CENPI: variants seen among roughly 807,000 people sequenced by gnomAD.
The protein encoded by CENPI is centromere protein I.
Under a neutral mutation model 60.4 loss-of-function variants are expected in CENPI, and 4 were observed. That is an observed-to-expected ratio of 0.07 (90% CI 0.03 to 0.15). The LOEUF (loss-of-function observed/expected upper bound fraction) is 0.15, where lower values mean the gene tolerates loss of function less well. Ranked by LOEUF, CENPI falls within the 10% of genes least tolerant of loss-of-function variation. CENPI has a pLI of 1.00. For missense variants in CENPI, 444 were observed against 534.5 expected, an observed-to-expected ratio of 0.83 and a Z score of 1.67; for synonymous variants, 157 against 189.4, an observed-to-expected ratio of 0.83 and a Z score of 1.40.
chrX:101,138,266 G>A (rs1218086353), intron 15 of CENPI, among the ~76,000 whole-genome samples: 1 of 108,763 alleles, frequency 9.2e-6, no homozygotes, highest in Non-Finnish European at 1.9e-5. Flanking sequence ...GGGATTACAA[G>A]TGTGGGTCAC....
In CENPI at chrX:101,151,974, C is replaced by T. The variant is rs777528824; in HGVS notation, c.2094+3813C>T. Among the ~76,000 whole-genome samples the T allele has an allele frequency of 8.1e-5, 9 of 111,542 alleles. No individual in the cohort carries two copies. The East Asian group carries it at 2.5e-3, about 31-fold the overall frequency. ...TTCATTATTCCCAAAAGAAACATCA[C>T]ACCCCTTAGCCATCATTCCCCAGGG... On this transcript the variant is annotated intron_variant, in intron 20 of 21. Transcript: ENST00000682095.
rs996251680 is a variant in CENPI at position 101,135,594 on chromosome X, T to G, written c.1470+3138T>G. 8.7e-4 allele frequency among the ~76,000 whole-genome samples: 98 copies of G among 112,721 alleles called. 1 individual carries two copies. Among genetic ancestry groups the G allele is most frequent in the African/African-American group, 3.0e-3 (94 of 31,123 alleles). ...CAATCAAATATTTAGCCTAACAAAT[T>G]CAGCTTTTAGCAGTAGCTTGACTAA... On this transcript the variant is annotated intron_variant, in intron 15 of 21. Transcript: ENST00000682095.
chrX:101,115,655 T>C (rs2089613968), intron 6 of CENPI, among the ~76,000 whole-genome samples: 1 of 111,993 alleles, frequency 8.9e-6, no homozygotes, highest in African/African-American at 3.2e-5. Context: ...TGAGGCACTG[T>C]GCCTGACTCT....
chrX:101,176,843 A>G, the CENPI span, among the ~76,000 whole-genome samples: 7 of 112,472 alleles, frequency 6.2e-5, no homozygotes, highest in African/African-American at 1.9e-4. Flanking sequence ...GCATAGACCA[A>G]TGTTTTATAG....
Position 101,161,519 on chromosome X carries a change from G to A in CENPI, c.2095-9G>A, listed in dbSNP as rs1331808616. On this transcript the variant is annotated splice_polypyrimidine_tract_variant and intron_variant, in intron 20 of 21. Transcript: ENST00000682095. ...GCTTTGTTTTGTTTTTTGTTTGTTT[G>A]TTTTTAAGGAAAGCCCAGAAGAAAG... 2 of 1,205,031 alleles carry A rather than the reference G, an allele frequency of 1.7e-6. No individual in the cohort carries two copies. Among genetic ancestry groups the A allele is most frequent in the Non-Finnish European group, 2.2e-6 (2 of 891,415 alleles).
chrX:101,153,980 A>C (rs2090030821), intron 20 of CENPI, among the ~76,000 whole-genome samples: 2 of 111,798 alleles, frequency 1.8e-5, no homozygotes, highest in African/African-American at 6.5e-5. Flanking sequence ...GTGTGTGAGT[A>C]CACAAATGTA....
At chrX:101,137,548 A>G (rs1030585144) in intron 15 of CENPI, among the ~76,000 whole-genome samples, 3 of 111,928 alleles carry the variant, frequency 2.7e-5, no homozygotes, top group African/African-American at 9.7e-5. Context: ...TCACAGTTAC[A>G]GTGGGATTGG....
rs2089508985 is a variant in CENPI at position 101,108,335 on chromosome X, C to G, written c.365-1138C>G. Among the ~76,000 whole-genome samples the G allele has an allele frequency of 3.6e-5, 4 of 109,719 alleles. No individual in the cohort carries two copies. In the South Asian group the frequency reaches 1.5e-3, roughly 42 times the overall value. On this transcript the variant is annotated intron_variant, in intron 4 of 21. Coordinates refer to ENST00000682095, the MANE Select transcript of CENPI (RefSeq NM_001386188.2). ...AAGCAGTCCTCCGGCCTCAGCCTCC[C>G]AGGAGGCACCACCATGCCCAGCTAA... is the stretch of plus-strand genomic sequence containing the variant.
downstream of CENPI, among the ~76,000 whole-genome samples, chrX:101,168,599 T>C (rs774021153): frequency 8.9e-6 from 1 of 111,946 alleles, no homozygotes; most frequent in South Asian, 3.7e-4. Context: ...AAAATCTTAC[T>C]GGCTCAAGGG....
At chrX:101,169,941 T>C (rs1259175000), downstream of CENPI, among the ~76,000 whole-genome samples, 2 of 100,450 alleles carry the variant, frequency 2.0e-5, no homozygotes, top group South Asian at 9.9e-4. Context: ...CTAAGTGTTA[T>C]TACAAAAGAG....
At chrX:101,144,087 C>CTTTTTTT (rs58858609) in intron 16 of CENPI, among the ~76,000 whole-genome samples, 37 of 79,597 alleles carry the variant, frequency 4.6e-4, no homozygotes, top group African/African-American at 1.2e-3. Context: ...TTTTCTTTTT[C>CTTTTTTT]TTTTTTTTTT....
chrX:101,137,773 G>A (rs1369612814), intron 15 of CENPI, among the ~76,000 whole-genome samples: 4 of 104,660 alleles, frequency 3.8e-5, no homozygotes, highest in Non-Finnish European at 7.8e-5. Context: ...ATCTCTGTGT[G>A]GCTTCAAGAA....
chrX:101,151,402 A>G lies in CENPI; in HGVS notation c.2094+3241A>G, dbSNP rs1384892741. On this transcript the variant is annotated intron_variant, in intron 20 of 21. Coordinates refer to ENST00000682095, the MANE Select transcript of CENPI (RefSeq NM_001386188.2). Reference sequence around the variant, plus strand: ...CCTCAGGCCAAAAGTGATTTTGAGTATTAGACTTACTTCTTTGGGTTATCA... The same window carrying G: ...CCTCAGGCCAAAAGTGATTTTGAGTGTTAGACTTACTTCTTTGGGTTATCA... Among the ~76,000 whole-genome samples the G allele has an allele frequency of 2.7e-5, 3 of 111,916 alleles. No homozygotes were observed. The Admixed American group carries it at 2.9e-4, about 11-fold the overall frequency.
chrX:101,167,353 C>T (rs988294947), downstream of CENPI, among the ~76,000 whole-genome samples: 11 of 111,786 alleles, frequency 9.8e-5, no homozygotes, highest in African/African-American at 3.2e-4. Flanking sequence ...ATGACACCTA[C>T]GAAACTGAAC....
chrX:101,108,003 C>A (rs148128566), intron 4 of CENPI, among the ~76,000 whole-genome samples: 2,197 of 110,343 alleles, frequency 0.02, 51 homozygotes, highest in African/African-American at 0.07. Flanking sequence ...GATCTGCCTG[C>A]CTCAGCCTCC....
intron 15 of CENPI, among the ~76,000 whole-genome samples, chrX:101,137,502 G>GGATAA (rs1469303467): frequency 2.7e-5 from 3 of 111,410 alleles, no homozygotes; most frequent in Non-Finnish European, 5.7e-5. Flanking sequence ...CTAGCTAGGA[G>GGATAA]GATAAAATGA....
intron 5 of CENPI, 131 bp from the exon 6 acceptor site, chrX:101,109,760 A>G: frequency 1.7e-6 from 1 of 577,992 alleles, no homozygotes; most frequent in Non-Finnish European, 2.8e-6. Flanking sequence ...TTACTGAGAA[A>G]TAAAATCTAT....
the CENPI span, among the ~76,000 whole-genome samples, chrX:101,178,398 C>CTTTTTTTTTTTTTTTTTTTTTTTTTT: frequency 3.5e-4 from 14 of 39,974 alleles, 3 homozygotes; most frequent in African/African-American, 4.3e-4. Context: ...TTTTCTTCTT[C>CTTTTTTTTTTTTTTTTTTTTTTTTTT]TTTTTTTTTT....
chrX:101,140,027 G>A (rs746137897), intron 15 of CENPI, among the ~76,000 whole-genome samples: 2 of 109,980 alleles, frequency 1.8e-5, no homozygotes, highest in Non-Finnish European at 3.8e-5. Context: ...TAGTAGAGAC[G>A]GGGTTTCACC....
Sources: gnomAD v4.1 joint callset for allele counts (sites outside exome capture counted in the v4.1 genomes callset) on GRCh38, gnomAD v4.1.1 for gene constraint, MANE v1.5 for transcripts, NCBI Gene and HGNC (gene_info 2026-07-23, HGNC 2026-07-21) for gene names.